Variants in ARFIP1 observed in about 807,000 individuals in gnomAD.
The protein encoded by ARFIP1 is arfaptin-1.
Under a neutral mutation model 42.5 loss-of-function variants are expected in ARFIP1, and 24 were observed. That is an observed-to-expected ratio of 0.57 (90% CI 0.41 to 0.80). The LOEUF (loss-of-function observed/expected upper bound fraction) is 0.80, where lower values mean the gene tolerates loss of function less well. Among genes scored for constraint, ARFIP1 ranks in the 30% least tolerant of loss-of-function variants. The pLI, the probability that ARFIP1 is intolerant of heterozygous loss-of-function variation, is 0.00. For missense variants in ARFIP1, 354 were observed against 434.0 expected (o/e 0.82, Z 1.64); for synonymous variants, 141 against 153.7 (o/e 0.92, Z 0.61).
At position 152,889,845 on chromosome 4, in the gene ARFIP1, T is replaced by C. The variant is rs558339468; in HGVS notation, c.966+1538T>C. Among the ~76,000 whole-genome samples, 23 of 113,468 alleles carry C rather than the reference T, an allele frequency of 2.0e-4. No homozygotes were observed. In the East Asian group the frequency reaches 3.4e-3, roughly 17 times the overall value. The allele number at this position is 113,468 out of a possible 152,430, so 74.4% of individuals were successfully genotyped here. A position where few individuals can be genotyped will look rare whatever the true frequency, so the allele number is the denominator to read the frequency against. ...CTATATATACTATATACTATATATATACTATATATACTATATATACTATAT... is the reference window on the plus strand; with the variant it reads ...CTATATATACTATATACTATATATACACTATATATACTATATATACTATAT... On this transcript the variant is annotated intron_variant, in intron 8 of 8. Coordinates refer to ENST00000353617, the MANE Select transcript of ARFIP1 (RefSeq NM_001025595.3).
intron 2 of ARFIP1, among the ~76,000 whole-genome samples, chr4:152,862,210 T>G (rs1261648268): frequency 6.6e-6 from 1 of 152,154 alleles, no homozygotes; most frequent in Non-Finnish European, 1.5e-5. Context: ...GTTTTTCTAC[T>G]AGGTTGAAGA....
rs141107062 is a variant in ARFIP1 at position 152,844,044 on chromosome 4, C to T, written c.93+14318C>T. Among the ~76,000 whole-genome samples the T allele has an allele frequency of 2.7e-4, 41 of 152,318 alleles. 1 individual carries two copies. Among genetic ancestry groups the T allele is most frequent in the Middle Eastern group, 3.4e-3 (1 of 294 alleles). On this transcript the variant is annotated intron_variant, in intron 2 of 8. Transcript: ENST00000353617. ...ACCCTCCTGATGGATCCCTGTGGTA[C>T]CAGGCAGGAATGGCCTGCTAGGGGA... is the stretch of plus-strand genomic sequence containing the variant.
At chr4:152,909,586 C>T (rs945035442) in intron 8 of ARFIP1, among the ~76,000 whole-genome samples, 10 of 152,130 alleles carry the variant, frequency 6.6e-5, no homozygotes, top group African/African-American at 2.4e-4. Flanking sequence ...TTCTGAGCAA[C>T]ACTTGCTACT....
chr4:152,843,807 C>G (rs1043372072), intron 2 of ARFIP1, among the ~76,000 whole-genome samples: 3 of 152,114 alleles, frequency 2.0e-5, no homozygotes, highest in African/African-American at 7.2e-5. Context: ...AGGCAGAGAG[C>G]GTGATAGGCT....
chr4:152,781,234 C>CTTT (rs535397594), intron 1 of ARFIP1, among the ~76,000 whole-genome samples: 4,483 of 118,860 alleles, frequency 0.038, 177 homozygotes, highest in South Asian at 0.1. Flanking sequence ...TTTCTTTTTT[C>CTTT]TTTTTTTTTT....
intron 8 of ARFIP1, 37 bp downstream of exon 8, chr4:152,888,344 T>C (rs1736444199): frequency 6.9e-7 from 1 of 1,440,734 alleles, no homozygotes; most frequent in African/African-American, 1.4e-5. Context: ...TCTGTGGACT[T>C]TGAAGTCACC....
intron 1 of ARFIP1, among the ~76,000 whole-genome samples, chr4:152,783,958 G>GAAAATGTGA (rs905147397): frequency 6.6e-6 from 1 of 151,990 alleles, no homozygotes; most frequent in African/African-American, 2.4e-5. Context: ...ATGAGGAGGG[G>GAAAATGTGA]AAAATGTGAA....
chr4:152,850,328 G>A (rs935987240), intron 2 of ARFIP1, among the ~76,000 whole-genome samples: 1 of 152,180 alleles, frequency 6.6e-6, no homozygotes, highest in African/African-American at 2.4e-5. Context: ...TCCTGAAAAT[G>A]TGCCCACCAA....
chr4:152,838,752 C>T (rs1731847292), intron 2 of ARFIP1, among the ~76,000 whole-genome samples: 1 of 152,108 alleles, frequency 6.6e-6, no homozygotes, highest in African/African-American at 2.4e-5. Flanking sequence ...TTCCTCTTTA[C>T]CAATTTGGAT....
At chr4:152,846,674 A>C (rs1732561402) in intron 2 of ARFIP1, among the ~76,000 whole-genome samples, 1 of 152,158 alleles carries the variant, frequency 6.6e-6, no homozygotes, top group Admixed American at 6.5e-5. Flanking sequence ...TAAGTATATT[A>C]ATATATTTTA....
chr4:152,788,801 CTTTT>C (rs138189664), intron 1 of ARFIP1, among the ~76,000 whole-genome samples: 2 of 113,408 alleles, frequency 1.8e-5, no homozygotes, highest in Non-Finnish European at 1.8e-5. Flanking sequence ...TCCCCAATGT[CTTTT>C]TTTTTTTTTT....
At chr4:152,805,238 A>G (rs1728907841) in intron 1 of ARFIP1, among the ~76,000 whole-genome samples, 2 of 152,254 alleles carry the variant, frequency 1.3e-5, no homozygotes, top group Admixed American at 1.3e-4. Context: ...TCCTGATTGT[A>G]AATCTGATGT....
At chr4:152,786,264 T>A (rs1401742023) in intron 1 of ARFIP1, among the ~76,000 whole-genome samples, 1 of 152,244 alleles carries the variant, frequency 6.6e-6, no homozygotes, top group Non-Finnish European at 1.5e-5. Context: ...GCTGTCTTGT[T>A]GACATCCTTT....
At chr4:152,898,819 T>G (rs1163569385) in intron 8 of ARFIP1, among the ~76,000 whole-genome samples, 1 of 152,216 alleles carries the variant, frequency 6.6e-6, no homozygotes, top group Non-Finnish European at 1.5e-5. Flanking sequence ...ATCATATGTT[T>G]AAGTGATTTG....
chr4:152,862,928 GAAAA>G (rs1176828596), intron 2 of ARFIP1, among the ~76,000 whole-genome samples: 4 of 151,694 alleles, frequency 2.6e-5, no homozygotes, highest in Admixed American at 2.6e-4. Flanking sequence ...AAAGTTCTGG[GAAAA>G]AAAACTTAGA....
chr4:152,873,594 C>T (rs1735072669), intron 5 of ARFIP1, among the ~76,000 whole-genome samples: 1 of 152,214 alleles, frequency 6.6e-6, no homozygotes, highest in African/African-American at 2.4e-5. Flanking sequence ...ATTTCTATTG[C>T]ATCTTCTTGC....
chr4:152,903,693 C>T (rs1738036177), intron 8 of ARFIP1, among the ~76,000 whole-genome samples: 1 of 152,010 alleles, frequency 6.6e-6, no homozygotes, highest in Non-Finnish European at 1.5e-5. Context: ...CTAAAAAGAA[C>T]CATCTTTGAT....
At chr4:152,853,162 C>T (rs962331121) in intron 2 of ARFIP1, among the ~76,000 whole-genome samples, 1 of 152,010 alleles carries the variant, frequency 6.6e-6, no homozygotes, top group African/African-American at 2.4e-5. Flanking sequence ...ATCTTTGTTC[C>T]TTTCTTTTTG....
chr4:152,908,622 AAG>A (rs1738569818), intron 8 of ARFIP1, among the ~76,000 whole-genome samples: 1 of 152,102 alleles, frequency 6.6e-6, no homozygotes, highest in African/African-American at 2.4e-5. Context: ...AAAAAAAGAA[AAG>A]AAATTCTAAA....
Sources: allele counts gnomAD v4.1 joint callset (sites outside exome capture counted in the v4.1 genomes callset), GRCh38; gene constraint gnomAD v4.1.1; transcripts MANE v1.5; gene names NCBI Gene and HGNC (gene_info 2026-07-23, HGNC 2026-07-21).